Variants in CAPS2 observed in about 807,000 individuals in gnomAD.
CAPS2 encodes calcyphosine 2.
CAPS2 carries 98 observed loss-of-function variants against 86.5 expected under a neutral mutation model. The observed-to-expected ratio is 1.13, with a 90% CI of 0.96 to 1.34. The LOEUF (loss-of-function observed/expected upper bound fraction) is 1.34, where lower values mean the gene tolerates loss of function less well. Ranked by LOEUF, CAPS2 falls within the 40% of genes most tolerant of loss-of-function variation. The pLI, the probability that CAPS2 is intolerant of heterozygous loss-of-function variation, is 0.00. For missense variants in CAPS2, 729 were observed against 686.8 expected, an observed-to-expected ratio of 1.06 and a Z score of -0.69; for synonymous variants, 210 against 225.1, an observed-to-expected ratio of 0.93 and a Z score of 0.60.
chr12:75,389,398 G>A (rs1280015985), intron 1 of CAPS2, among the ~76,000 whole-genome samples: 1 of 152,178 alleles, frequency 6.6e-6, no homozygotes, highest in African/African-American at 2.4e-5. Context: ...TTCCCTGTTG[G>A]TCTAATTATT....
intron 6 of CAPS2, among the ~76,000 whole-genome samples, chr12:75,314,181 A>C (rs1393146749): frequency 6.6e-6 from 1 of 152,140 alleles, no homozygotes; most frequent in African/African-American, 2.4e-5. Flanking sequence ...CTGCCTCCCA[A>C]AGTGCTGGGA....
chr12:75,362,908 C>T (rs1011156237), intron 1 of CAPS2, among the ~76,000 whole-genome samples: 5 of 152,052 alleles, frequency 3.3e-5, no homozygotes, highest in East Asian at 1.9e-4. Flanking sequence ...AGAACTTCCA[C>T]GTGATTCATC....
intron 1 of CAPS2, among the ~76,000 whole-genome samples, chr12:75,341,353 C>T (rs1200941438): frequency 6.6e-6 from 1 of 152,196 alleles, no homozygotes; most frequent in African/African-American, 2.4e-5. Context: ...TGTAACATCC[C>T]CATGGCTCTC....
intron 7 of CAPS2, among the ~76,000 whole-genome samples, chr12:75,311,724 C>CAAAAAAAAAA (rs1188952105): frequency 6.4e-5 from 1 of 15,684 alleles, no homozygotes; most frequent in Non-Finnish European, 1.3e-4. Context: ...AAAAAAAAAA[C>CAAAAAAAAAA]AAAAAAAAAA....
At chr12:75,334,450 T>C (rs2041565031), upstream of CAPS2, 1 of 1,238,588 alleles carries the variant, frequency 8.1e-7, no homozygotes. Context: ...AGATTACAGA[T>C]TGGATCCACA....
intron 13 of CAPS2, among the ~76,000 whole-genome samples, 178 bp downstream of exon 13, chr12:75,291,566 A>ATT (rs1565793383): frequency 2.4e-5 from 1 of 41,822 alleles, no homozygotes; most frequent in Non-Finnish European, 4.1e-5. Flanking sequence ...TATTTTTAAA[A>ATT]GTATATATAT....
intron 1 of CAPS2, among the ~76,000 whole-genome samples, chr12:75,387,924 A>G (rs930433868): frequency 1.3e-5 from 2 of 152,230 alleles, no homozygotes; most frequent in African/African-American, 4.8e-5. Flanking sequence ...TGCTCATGGT[A>G]TTTATCCAAA....
At chr12:75,299,512 T>C (rs2037452384) in intron 9 of CAPS2, among the ~76,000 whole-genome samples, 1 of 152,094 alleles carries the variant, frequency 6.6e-6, no homozygotes, top group Admixed American at 6.5e-5. Context: ...TAAAATTAAA[T>C]AAAGCAGCTT....
At chr12:75,294,899 A>T (rs2138409322) in intron 11 of CAPS2, 1 of 152,374 alleles carries the variant, frequency 6.6e-6, no homozygotes, top group South Asian at 2.1e-4. Flanking sequence ...TACCAAAAAA[A>T]GAAAAAGAAA....
At chr12:75,316,471 T>A in intron 5 of CAPS2, 37 bp from the exon 6 acceptor site, 1 of 1,477,338 alleles carries the variant, frequency 6.8e-7, no homozygotes, top group Non-Finnish European at 9.0e-7. Context: ...ATCATACACA[T>A]ATTTAGAATG....
chr12:75,347,368 G>A (rs775376647), intron 1 of CAPS2, among the ~76,000 whole-genome samples: 2 of 151,884 alleles, frequency 1.3e-5, no homozygotes, highest in Admixed American at 6.6e-5. Context: ...TATGAATTTG[G>A]TTATATATTA....
At chr12:75,323,623 A>G (rs998392446) in intron 2 of CAPS2, among the ~76,000 whole-genome samples, 1 of 152,180 alleles carries the variant, frequency 6.6e-6, no homozygotes, top group Non-Finnish European at 1.5e-5. Flanking sequence ...CATGCCTGTA[A>G]TCCCAGCTAC....
intron 13 of CAPS2, among the ~76,000 whole-genome samples, chr12:75,290,976 T>G (rs2035754497): frequency 6.6e-6 from 1 of 152,000 alleles, no homozygotes. Flanking sequence ...CTGTGATTGC[T>G]TATTCAATAT....
At chr12:75,306,257 G>C in intron 7 of CAPS2, 1 of 630,474 alleles carries the variant, frequency 1.6e-6, no homozygotes, top group South Asian at 1.8e-5. Flanking sequence ...GGAGTTCCTG[G>C]CCAGGCAGGC....
chr12:75,357,606 G>A (rs941130543), intron 1 of CAPS2, among the ~76,000 whole-genome samples: 19 of 151,992 alleles, frequency 1.3e-4, no homozygotes, highest in Non-Finnish European at 2.4e-4. Flanking sequence ...CACATGCTAT[G>A]TCATAAAACA....
intron 12 of CAPS2, among the ~76,000 whole-genome samples, chr12:75,292,894 CATA>C (rs1450753870): frequency 2.0e-5 from 3 of 150,724 alleles, no homozygotes; most frequent in Admixed American, 6.6e-5. Context: ...AAAAAAAAAT[CATA>C]ATAACAATGT....
intron 1 of CAPS2, chr12:75,347,577 A>C (rs753566781): frequency 8.1e-7 from 1 of 1,227,960 alleles, no homozygotes; most frequent in Non-Finnish European, 1.2e-6. Context: ...TTGTTTGCAT[A>C]GAATTGTTTT....
chr12:75,280,787 T>C (rs1469026829), intron 16 of CAPS2, among the ~76,000 whole-genome samples: 2 of 151,858 alleles, frequency 1.3e-5, no homozygotes, highest in African/African-American at 2.4e-5. Context: ...CCAGTGATGA[T>C]TAGTTTTAAT....
intron 7 of CAPS2, among the ~76,000 whole-genome samples, chr12:75,312,573 AT>A (rs111401228): frequency 0.016 from 2,447 of 152,146 alleles, 61 homozygotes; most frequent in African/African-American, 0.051. Context: ...TATGTGTATT[AT>A]TTTTTTAAAT....
Sources: gnomAD v4.1 joint callset for allele counts (sites outside exome capture counted in the v4.1 genomes callset) on GRCh38, gnomAD v4.1.1 for gene constraint, MANE v1.5 for transcripts, NCBI Gene and HGNC (gene_info 2026-07-23, HGNC 2026-07-21) for gene names.